Variants in CLASP1 observed in about 807,000 individuals in gnomAD.
CLASP1 encodes cytoplasmic linker associated protein 1, also known as CLIP-associating protein 1.
CLASP1 carries 38 observed loss-of-function variants against 192.3 expected under a neutral mutation model. The ratio of observed to expected loss-of-function variants is 0.20; its 90% confidence interval spans 0.15 to 0.26. CLASP1 has a LOEUF of 0.26. CLASP1 is among the 10% of genes least tolerant of loss of function. CLASP1 has a pLI of 1.00. For synonymous variants in CLASP1, 691 were observed against 712.8 expected, an observed-to-expected ratio of 0.97 and a Z score of 0.49; for missense variants, 1,433 against 1,932.5, an observed-to-expected ratio of 0.74 and a Z score of 4.85.
At chr2:121,578,512 A>AAGGT (rs1261884115) in intron 2 of CLASP1, among the ~76,000 whole-genome samples, 1 of 151,384 alleles carries the variant, frequency 6.6e-6, no homozygotes, top group Non-Finnish European at 1.5e-5. Flanking sequence ...GGCGGATCAC[A>AAGGT]AGGTCAGGAG....
chr2:121,541,017 C>T (rs1417467057), intron 2 of CLASP1, among the ~76,000 whole-genome samples: 1 of 152,130 alleles, frequency 6.6e-6, no homozygotes, highest in Non-Finnish European at 1.5e-5. Flanking sequence ...TGTGCACATT[C>T]TATACACACT....
intron 1 of CLASP1, among the ~76,000 whole-genome samples, chr2:121,627,155 A>G (rs891596986): frequency 5.3e-5 from 8 of 152,220 alleles, no homozygotes; most frequent in African/African-American, 1.9e-4. Context: ...AAAAGAAGAC[A>G]CAGCACAGCA....
chr2:121,440,107 A>T (rs1013136382), intron 19 of CLASP1, among the ~76,000 whole-genome samples: 1 of 151,650 alleles, frequency 6.6e-6, no homozygotes, highest in Non-Finnish European at 1.5e-5. Context: ...AAAAAAAAAA[A>T]AAAAAACTAA....
At chr2:121,545,415 C>CA (rs1356102815) in intron 2 of CLASP1, among the ~76,000 whole-genome samples, 1 of 151,826 alleles carries the variant, frequency 6.6e-6, no homozygotes, top group Non-Finnish European at 1.5e-5. Context: ...AATCATGATC[C>CA]AAAAAAATCC....
At chr2:121,394,119 C>T (rs2074867998) in intron 30 of CLASP1, among the ~76,000 whole-genome samples, 1 of 152,162 alleles carries the variant, frequency 6.6e-6, no homozygotes, top group Admixed American at 6.5e-5. Context: ...TAACCTCTCC[C>T]ACCCTTAGAG....
intron 28 of CLASP1, among the ~76,000 whole-genome samples, chr2:121,400,555 CCCA>C (rs1475527133): frequency 6.6e-6 from 1 of 152,190 alleles, no homozygotes; most frequent in Non-Finnish European, 1.5e-5. Flanking sequence ...AGGACACACA[CCCA>C]CAAGATAGCC....
chr2:121,500,425 AAG>A (rs1262726336), intron 8 of CLASP1, among the ~76,000 whole-genome samples: 8 of 151,658 alleles, frequency 5.3e-5, no homozygotes, highest in African/African-American at 7.2e-5. Context: ...AAAAAAAGAA[AAG>A]AGAAAAGAAA....
intron 2 of CLASP1, among the ~76,000 whole-genome samples, chr2:121,558,247 C>G (rs2058753052): frequency 6.6e-6 from 1 of 151,932 alleles, no homozygotes; most frequent in South Asian, 2.1e-4. Context: ...TTCCCGTAGC[C>G]CAATGGACTG....
intron 2 of CLASP1, among the ~76,000 whole-genome samples, chr2:121,566,131 T>C (rs1272459308): frequency 6.6e-6 from 1 of 152,166 alleles, no homozygotes; most frequent in Non-Finnish European, 1.5e-5. Context: ...GACCAGCCTA[T>C]AAACTATTCA....
At chr2:121,497,697 A>G (rs1016510875) in intron 8 of CLASP1, among the ~76,000 whole-genome samples, 2 of 152,032 alleles carry the variant, frequency 1.3e-5, no homozygotes, top group Non-Finnish European at 2.9e-5. Flanking sequence ...AACTAGGAGG[A>G]GGTCAGACCC....
intron 38 of CLASP1, 133 bp downstream of exon 39, chr2:121,348,379 C>G: frequency 1.4e-6 from 1 of 729,322 alleles, no homozygotes; most frequent in South Asian, 1.8e-5. Flanking sequence ...CCCTGCCACA[C>G]GGCCTCACAG....
At chr2:121,560,521 C>T (rs2058976696) in intron 2 of CLASP1, among the ~76,000 whole-genome samples, 1 of 152,314 alleles carries the variant, frequency 6.6e-6, no homozygotes, top group African/African-American at 2.4e-5. Context: ...TCAGAAGCTG[C>T]CTGCCAGGAA....
chr2:121,542,971 T>C lies in CLASP1; in HGVS notation c.196-12646A>G, dbSNP rs556955017. Among the ~76,000 whole-genome samples, 12 of 152,328 alleles carry C rather than the reference T, an allele frequency of 7.9e-5. No homozygotes were observed. In the South Asian group the frequency reaches 1.0e-3, roughly 13 times the overall value. On this transcript the variant is annotated intron_variant, in intron 2 of 39. Coordinates refer to ENST00000263710, the Ensembl canonical transcript of CLASP1. ...AATCCAATACAGCTTTCAGCAATGATAGAAATGTTCTACAACGGTGATGTC... is the reference window on the plus strand; with the variant it reads ...AATCCAATACAGCTTTCAGCAATGACAGAAATGTTCTACAACGGTGATGTC...
Position 121,585,684 on chromosome 2 carries a change from G to A in CLASP1, c.195+20017C>T, listed in dbSNP as rs545342311. On this transcript the variant is annotated intron_variant, in intron 2 of 39. Transcript: ENST00000263710. ...GGAGGCCGAAGCGGGCAGATCACGA[G>A]GTCAAGAGATCGAGACCATCCTGGC... is the stretch of plus-strand genomic sequence containing the variant. 7.2e-4 allele frequency among the ~76,000 whole-genome samples: 110 copies of A among 152,244 alleles called. 1 individual carries two copies. Among genetic ancestry groups the A allele is most frequent in the African/African-American group, 2.6e-3 (106 of 41,558 alleles).
chr2:121,498,929 C>T (rs1349643500), intron 8 of CLASP1, among the ~76,000 whole-genome samples: 2 of 152,042 alleles, frequency 1.3e-5, no homozygotes, highest in Admixed American at 6.6e-5. Context: ...CAATTGTTGG[C>T]GAGGATGTGG....
chr2:121,354,382 A>G (rs888414674), intron 37 of CLASP1, among the ~76,000 whole-genome samples: 1 of 152,182 alleles, frequency 6.6e-6, no homozygotes, highest in Non-Finnish European at 1.5e-5. Context: ...TCTGTCAGGT[A>G]ATGGGTTACC....
intron 1 of CLASP1, among the ~76,000 whole-genome samples, chr2:121,636,374 T>TAATAAA (rs1392087487): frequency 1.9e-4 from 27 of 142,400 alleles, no homozygotes; most frequent in African/African-American, 5.9e-4. Context: ...ATAATAATAA[T>TAATAAA]AAATTTTAGG....
At chr2:121,379,275 G>A (rs976411968) in intron 33 of CLASP1, among the ~76,000 whole-genome samples, 2 of 150,710 alleles carry the variant, frequency 1.3e-5, no homozygotes, top group African/African-American at 4.9e-5. Flanking sequence ...AAAGAAATGT[G>A]AACCTTGAAC....
intron 6 of CLASP1, among the ~76,000 whole-genome samples, chr2:121,520,927 A>T (rs1271096966): frequency 6.6e-6 from 1 of 152,160 alleles, no homozygotes; most frequent in Non-Finnish European, 1.5e-5. Flanking sequence ...CCTTCCCAGC[A>T]GCTGGGTCAC....
Sources: allele counts gnomAD v4.1 joint callset (sites outside exome capture counted in the v4.1 genomes callset), GRCh38; gene constraint gnomAD v4.1.1; transcripts MANE v1.5; gene names NCBI Gene and HGNC (gene_info 2026-07-23, HGNC 2026-07-21).